Variants in UBE2K observed in about 807,000 individuals in gnomAD.
UBE2K encodes the protein ubiquitin-conjugating enzyme E2 K.
UBE2K carries 6 observed loss-of-function variants against 30.0 expected under a neutral mutation model. The ratio of observed to expected loss-of-function variants is 0.20; its 90% CI spans 0.11 to 0.39. The LOEUF (loss-of-function observed/expected upper bound fraction) is 0.39. Among genes scored for constraint, UBE2K ranks in the 10% least tolerant of loss-of-function variants. The pLI is 1.00. For synonymous variants in UBE2K, 86 were observed against 83.7 expected (o/e 1.03, Z -0.15); for missense variants, 61 against 241.6 (o/e 0.25, Z 4.96).
At chr4:39,707,738 T>C (rs1463160896) in intron 1 of UBE2K, among the ~76,000 whole-genome samples, 1 of 151,722 alleles carries the variant, frequency 6.6e-6, no homozygotes, top group African/African-American at 2.4e-5. Flanking sequence ...CAGGTTGGTC[T>C]TGAACTCCTG....
intron 1 of UBE2K, among the ~76,000 whole-genome samples, chr4:39,708,498 G>T (rs1444306020): frequency 6.6e-6 from 1 of 151,980 alleles, no homozygotes; most frequent in African/African-American, 2.4e-5. Flanking sequence ...GAATCTGCCT[G>T]CCTTTCTAGT....
chr4:39,770,014 T>G (rs1321416397), intron 4 of UBE2K: 2 of 1,305,724 alleles, frequency 1.5e-6, no homozygotes, highest in Non-Finnish European at 2.1e-6. Context: ...CCAATTCTCC[T>G]GGGCCAAAGA....
At chr4:39,734,967 G>A (rs1052782802) in intron 1 of UBE2K, among the ~76,000 whole-genome samples, 1 of 152,176 alleles carries the variant, frequency 6.6e-6, no homozygotes, top group African/African-American at 2.4e-5. Context: ...ACTTTAATCA[G>A]ATCCTTTAGT....
At chr4:39,710,599 A>G (rs1482948873) in intron 1 of UBE2K, among the ~76,000 whole-genome samples, 3 of 151,968 alleles carry the variant, frequency 2.0e-5, no homozygotes, top group African/African-American at 7.3e-5. Context: ...TGGCAGCTTT[A>G]TGGGATTGAT....
intron 3 of UBE2K, among the ~76,000 whole-genome samples, chr4:39,749,133 G>T (rs573349808): frequency 1.3e-5 from 2 of 152,134 alleles, no homozygotes; most frequent in African/African-American, 4.8e-5. Flanking sequence ...ATTCACATTT[G>T]TCTTACCATG....
At chr4:39,740,723 C>T (rs1259771709) in intron 2 of UBE2K, among the ~76,000 whole-genome samples, 2 of 149,666 alleles carry the variant, frequency 1.3e-5, no homozygotes, top group Non-Finnish European at 3.0e-5. Flanking sequence ...ATTAGCCAGG[C>T]GTGATGGTGG....
chr4:39,773,079 T>A (rs999788005), intron 4 of UBE2K, among the ~76,000 whole-genome samples: 14 of 152,232 alleles, frequency 9.2e-5, no homozygotes, highest in Admixed American at 8.5e-4. Context: ...ATAAAGATAT[T>A]TTCCTTATAA....
chr4:39,737,363 A>G (rs1032343880), intron 1 of UBE2K, 57 bp from the exon 2 acceptor site: 6 of 1,067,262 alleles, frequency 5.6e-6, no homozygotes, highest in Middle Eastern at 5.5e-4. Context: ...TATAGGTAAT[A>G]CTTTAGGCGT....
At chr4:39,745,404 G>A (rs533682884) in intron 2 of UBE2K, among the ~76,000 whole-genome samples, 3 of 151,212 alleles carry the variant, frequency 2.0e-5, no homozygotes, top group East Asian at 1.9e-4. Flanking sequence ...TTGTTATTTA[G>A]CAATTCTTAA....
In UBE2K at chr4:39,705,143, G is replaced by A. The variant is rs921794584; in HGVS notation, c.63+6753G>A. On this transcript the variant is annotated intron_variant, in intron 1 of 6. Transcript: ENST00000261427. ...CGAGCTCCTGACCTTGTGATCTGCCGCCTCGGCCTCCCAAAGTGCTGGGAT... is the reference window on the plus strand; with the variant it reads ...CGAGCTCCTGACCTTGTGATCTGCCACCTCGGCCTCCCAAAGTGCTGGGAT... 6.2e-5 allele frequency among the ~76,000 whole-genome samples: 9 copies of A among 146,210 alleles called. 1 individual carries two copies. The highest frequency in any genetic ancestry group is 2.0e-4 in the African/African-American group (8 of 39,376).
chr4:39,737,383 T>C, intron 1 of UBE2K, 37 bp from the exon 2 acceptor site: 1 of 1,362,314 alleles, frequency 7.3e-7, no homozygotes, highest in Non-Finnish European at 1.0e-6. Context: ...TTTTTCTTGC[T>C]GACATAACTA....
intron 1 of UBE2K, chr4:39,714,546 A>ATT (rs879776892): frequency 0.02 from 500 of 25,234 alleles, 45 homozygotes; most frequent in Non-Finnish European, 0.027. Context: ...ATATATATAT[A>ATT]TATATTTTTT....
chr4:39,702,231 C>CTTTTTTTTTTTTTTTTTTTTTTTTTTTT (rs564712672), intron 1 of UBE2K, among the ~76,000 whole-genome samples: 3 of 67,388 alleles, frequency 4.5e-5, no homozygotes, highest in Non-Finnish European at 5.5e-5. Flanking sequence ...CTTTTCTTTT[C>CTTTTTTTTTTTTTTTTTTTTTTTTTTTT]TTTTTTTTTT....
Position 39,707,442 on chromosome 4 carries a change from C to T in UBE2K, c.63+9052C>T, listed in dbSNP as rs553043325. On this transcript the variant is annotated intron_variant, in intron 1 of 6. Coordinates refer to ENST00000261427, the MANE Select transcript of UBE2K (RefSeq NM_005339.5). Reference sequence around the variant, plus strand: ...CTCGAACTTCAGACCTCAGGTGATCCGCCTGCCTTGGCTTCTCAAAGTGCT... The same window carrying T: ...CTCGAACTTCAGACCTCAGGTGATCTGCCTGCCTTGGCTTCTCAAAGTGCT... 3.6e-4 allele frequency among the ~76,000 whole-genome samples: 54 copies of T among 151,778 alleles called. No homozygotes were observed. In the South Asian group the frequency reaches 0.01, roughly 28 times the overall value.
At chr4:39,718,416 A>G (rs1719227176) in intron 1 of UBE2K, among the ~76,000 whole-genome samples, 1 of 152,252 alleles carries the variant, frequency 6.6e-6, no homozygotes, top group South Asian at 2.1e-4. Context: ...AGGTTCTCCA[A>G]GTCCCCACTA....
chr4:39,704,472 T>C (rs935209734), intron 1 of UBE2K, among the ~76,000 whole-genome samples: 39 of 152,040 alleles, frequency 2.6e-4, no homozygotes, highest in Admixed American at 1.3e-4. Flanking sequence ...GTATACAGTG[T>C]TACAAAGACT....
intron 4 of UBE2K, chr4:39,771,442 C>T (rs1355110069): frequency 2.5e-6 from 4 of 1,583,844 alleles, no homozygotes; most frequent in Non-Finnish European, 1.7e-6. Flanking sequence ...GCCATTGTGG[C>T]GGGGGTGGGC....
intron 1 of UBE2K, among the ~76,000 whole-genome samples, chr4:39,713,286 A>ATTTATTTTTTTTTTTT (rs1718816735): frequency 1.2e-5 from 1 of 83,582 alleles, no homozygotes; most frequent in East Asian, 4.5e-4. Flanking sequence ...TCTGTAGGAA[A>ATTTATTTTTTTTTTTT]TTTTTTTTTT....
chr4:39,714,420 C>A, intron 1 of UBE2K: 1 of 160,334 alleles, frequency 6.2e-6, no homozygotes. Flanking sequence ...TACAGCTTTT[C>A]GAGTTGGCTT....
Sources: gnomAD v4.1 joint callset for allele counts (sites outside exome capture counted in the v4.1 genomes callset) on GRCh38, gnomAD v4.1.1 for gene constraint, MANE v1.5 for transcripts, NCBI Gene and HGNC (gene_info 2026-07-23, HGNC 2026-07-21) for gene names.